The following SHTN1 variants were observed in gnomAD, a reference collection of about 807,000 sequenced individuals.
SHTN1 encodes shootin 1.
Under a neutral mutation model 83.1 loss-of-function variants are expected in SHTN1, and 42 were observed. The ratio of observed to expected loss-of-function variants is 0.51; its 90% CI spans 0.39 to 0.65. The LOEUF is 0.65. Ranked by LOEUF, SHTN1 falls within the 30% of genes least tolerant of loss-of-function variation. The pLI is 0.00. For missense variants in SHTN1, 622 were observed against 737.8 expected, an observed-to-expected ratio of 0.84 and a Z score of 1.82; for synonymous variants, 224 against 247.7, an observed-to-expected ratio of 0.90 and a Z score of 0.90.
chr10:116,929,170 AT>A (rs1416266522), intron 10 of SHTN1, among the ~76,000 whole-genome samples: 1 of 152,192 alleles, frequency 6.6e-6, no homozygotes, highest in African/African-American at 2.4e-5. Context: ...TCTGAAGTGA[AT>A]ATTGAAGCTA....
At chr10:116,924,739 T>C (rs570814581) in intron 11 of SHTN1, among the ~76,000 whole-genome samples, 4 of 150,284 alleles carry the variant, frequency 2.7e-5, no homozygotes, top group African/African-American at 9.8e-5. Flanking sequence ...GTGGAGAATT[T>C]TCACCTATTT....
At chr10:117,054,200 C>T (rs1191442730) in intron 1 of SHTN1, among the ~76,000 whole-genome samples, 1 of 152,036 alleles carries the variant, frequency 6.6e-6, no homozygotes, top group Admixed American at 6.6e-5. Flanking sequence ...TACCCCTGAC[C>T]TTTTGGAGTT....
intron 16 of SHTN1, among the ~76,000 whole-genome samples, chr10:116,896,117 A>G (rs1847507963): frequency 6.6e-6 from 1 of 152,160 alleles, no homozygotes; most frequent in African/African-American, 2.4e-5. Flanking sequence ...AGAGTAATAG[A>G]AGTATTAAAA....
intron 2 of SHTN1, among the ~76,000 whole-genome samples, chr10:116,977,105 G>GT (rs1379381093): frequency 6.6e-6 from 1 of 152,148 alleles, no homozygotes; most frequent in Admixed American, 6.5e-5. Context: ...GTGTCTGTCA[G>GT]TTAAACAACT....
rs147998403 is a variant in SHTN1, at chr10:117,021,594, C to G, written c.-123+26851G>C. On this transcript the variant is annotated intron_variant, in intron 2 of 17. Transcript: ENST00000392901. ...AGTGATGTGCAACCATCACCACAATCTAATTTTAGTGGCAGTTTGCTATAA... is the reference window on the plus strand; with the variant it reads ...AGTGATGTGCAACCATCACCACAATGTAATTTTAGTGGCAGTTTGCTATAA... Among the ~76,000 whole-genome samples, 65 of 152,276 alleles carry G rather than the reference C, an allele frequency of 4.3e-4. No individual in the cohort carries two copies. In the East Asian group the frequency reaches 0.012, roughly 28 times the overall value.
chr10:116,973,636 C>T (rs1850694371), intron 2 of SHTN1, among the ~76,000 whole-genome samples: 2 of 152,146 alleles, frequency 1.3e-5, no homozygotes, highest in African/African-American at 4.8e-5. Flanking sequence ...GTAAGCAATT[C>T]ATAAGGACAC....
At chr10:116,941,038 G>A (rs1465308875) in intron 8 of SHTN1, among the ~76,000 whole-genome samples, 5 of 152,128 alleles carry the variant, frequency 3.3e-5, no homozygotes, top group Admixed American at 3.3e-4. Context: ...TAGATATGGT[G>A]GGAATCATTT....
At chr10:116,902,057 A>G (rs1055115134) in intron 15 of SHTN1, 100 bp from the exon 16 acceptor site, 1 of 1,070,198 alleles carries the variant, frequency 9.3e-7, no homozygotes, top group Non-Finnish European at 1.3e-6. Flanking sequence ...AAGAAGTGAA[A>G]AGGCCAAGTT....
intron 13 of SHTN1, among the ~76,000 whole-genome samples, chr10:116,913,600 A>G (rs1422501533): frequency 6.6e-6 from 1 of 152,232 alleles, no homozygotes; most frequent in Admixed American, 6.5e-5. Flanking sequence ...TTTCTTTCTA[A>G]AACTAATTTT....
intron 16 of SHTN1, among the ~76,000 whole-genome samples, chr10:116,894,056 T>C (rs1847431627): frequency 6.6e-6 from 1 of 152,248 alleles, no homozygotes; most frequent in Non-Finnish European, 1.5e-5. Flanking sequence ...TCAATCTTAC[T>C]TTTAATTCAA....
chr10:116,920,802 T>G (rs1345108917), intron 12 of SHTN1, among the ~76,000 whole-genome samples: 1 of 152,114 alleles, frequency 6.6e-6, no homozygotes, highest in Non-Finnish European at 1.5e-5. Flanking sequence ...AGTTCCTTCC[T>G]GGACACTTTG....
At chr10:116,952,156 T>C (rs977094743) in intron 5 of SHTN1, 150 bp from the exon 6 acceptor site, 4 of 411,172 alleles carry the variant, frequency 9.7e-6, no homozygotes, top group African/African-American at 8.2e-5. Context: ...CAAAGGACAA[T>C]GAGAATCTCA....
chr10:117,068,794 T>A (rs763368559), intron 1 of SHTN1, among the ~76,000 whole-genome samples: 13 of 152,122 alleles, frequency 8.5e-5, no homozygotes, highest in Non-Finnish European at 1.6e-4. Context: ...TGCAGTGACA[T>A]GATGGGGAAG....
intron 2 of SHTN1, among the ~76,000 whole-genome samples, chr10:116,976,985 T>C (rs1218992331): frequency 3.3e-5 from 5 of 152,238 alleles, no homozygotes; most frequent in African/African-American, 4.8e-5. Flanking sequence ...CAGTGAAACA[T>C]GTAAACAGTT....
upstream of SHTN1, among the ~76,000 whole-genome samples, chr10:117,005,754 G>C (rs1370145971): frequency 5.3e-5 from 8 of 152,238 alleles, no homozygotes; most frequent in Non-Finnish European, 1.2e-4. Context: ...CGTGAGTGAA[G>C]GAGGGCCCTG....
Position 117,054,506 on chromosome 10 carries a change from C to T in SHTN1, c.-188-5996G>A, listed in dbSNP as rs370054916. 3.3e-5 allele frequency among the ~76,000 whole-genome samples: 5 copies of T among 150,642 alleles called. No homozygotes were observed. The East Asian group carries it at 9.8e-4, about 30-fold the overall frequency. ...CTGCAAGTTCTGCCTCCTGGGTTCA[C>T]GCCATTCTCCTGCCTCAGCCTCCCG... is the stretch of plus-strand genomic sequence containing the variant. On this transcript the variant is annotated intron_variant, in intron 1 of 17. Coordinates refer to the SHTN1 transcript ENST00000392901.
At chr10:116,987,637 T>C (rs1208399857) in intron 1 of SHTN1, among the ~76,000 whole-genome samples, 1 of 150,624 alleles carries the variant, frequency 6.6e-6, no homozygotes, top group African/African-American at 2.4e-5. Flanking sequence ...CAGTGGGAGG[T>C]CAGACGCAGT....
chr10:117,064,150 T>A (rs769757482), intron 1 of SHTN1, among the ~76,000 whole-genome samples: 25 of 152,152 alleles, frequency 1.6e-4, no homozygotes, highest in Non-Finnish European at 2.6e-4. Context: ...CAATTTTCAG[T>A]GAACTAGATA....
At chr10:117,019,236 T>C (rs929936878) in intron 2 of SHTN1, among the ~76,000 whole-genome samples, 2 of 151,988 alleles carry the variant, frequency 1.3e-5, no homozygotes, top group Non-Finnish European at 2.9e-5. Context: ...CACCCTGGAG[T>C]GCTCTGGTGC....
Sources: allele counts gnomAD v4.1 joint callset (sites outside exome capture counted in the v4.1 genomes callset), GRCh38; gene constraint gnomAD v4.1.1; transcripts MANE v1.5; gene names NCBI Gene and HGNC (gene_info 2026-07-23, HGNC 2026-07-21).